The following LAYN variants were observed in gnomAD, a reference collection of about 807,000 sequenced individuals.
LAYN encodes the protein layilin.
In LAYN, 38 loss-of-function variants were observed where a neutral mutation model predicts 43.6. The ratio of observed to expected loss-of-function variants is 0.87; its 90% CI spans 0.67 to 1.14. The LOEUF is 1.14. Among genes scored for constraint, LAYN ranks in the 50% most tolerant of loss-of-function variants. The pLI is 0.00. For synonymous variants in LAYN, 168 were observed against 172.9 expected (o/e 0.97, Z 0.22); for missense variants, 479 against 463.8 (o/e 1.03, Z -0.30).
At chr11:111,549,335 G>T (rs961499957) in intron 2 of LAYN, among the ~76,000 whole-genome samples, 1 of 152,214 alleles carries the variant, frequency 6.6e-6, no homozygotes, top group Non-Finnish European at 1.5e-5. Flanking sequence ...GACTAGCCCT[G>T]CTGGCTGCTT....
At chr11:111,544,947 T>C (rs1374016452) in intron 2 of LAYN, among the ~76,000 whole-genome samples, 1 of 151,922 alleles carries the variant, frequency 6.6e-6, no homozygotes, top group Non-Finnish European at 1.5e-5. Flanking sequence ...ATAAAAAATC[T>C]AATGGTAAAC....
chr11:111,556,092 G>A (rs1304162331), intron 5 of LAYN, among the ~76,000 whole-genome samples: 1 of 152,166 alleles, frequency 6.6e-6, no homozygotes, highest in Admixed American at 6.5e-5. Flanking sequence ...ACAAATCCAG[G>A]AGTGCCCATG....
intron 4 of LAYN, among the ~76,000 whole-genome samples, chr11:111,554,929 C>G (rs1157177991): frequency 1.3e-5 from 2 of 152,122 alleles, no homozygotes; most frequent in African/African-American, 4.8e-5. Context: ...AGTCCTTGGC[C>G]CTTCCCCTTG....
chr11:111,549,520 A>G, intron 2 of LAYN, 98 bp from the exon 3 acceptor site: 1 of 1,039,536 alleles, frequency 9.6e-7, no homozygotes, highest in Non-Finnish European at 1.3e-6. Flanking sequence ...GCAGAATCTT[A>G]TGTTTATGGC....
intron 3 of LAYN, among the ~76,000 whole-genome samples, chr11:111,550,796 ACTTTTGTTAATTATATT>A (rs1480270636): frequency 2.6e-5 from 4 of 152,148 alleles, no homozygotes; most frequent in Admixed American, 6.6e-5. Context: ...GCTTTCCATC[ACTTTTGTTAATTATATT>A]CTATTATTAA....
chr11:111,553,715 T>TAC (rs60878342), intron 3 of LAYN, among the ~76,000 whole-genome samples: 17,228 of 140,294 alleles, frequency 0.12, 1,131 homozygotes, highest in Middle Eastern at 0.18. Flanking sequence ...ACATCACCTA[T>TAC]ACACACACAC....
chr11:111,545,525 A>G (rs1435466965), intron 2 of LAYN, among the ~76,000 whole-genome samples: 5 of 152,184 alleles, frequency 3.3e-5, no homozygotes, highest in African/African-American at 7.2e-5. Context: ...CAGCAGGCCT[A>G]TCTCCTCCCG....
chr11:111,544,957 C>A (rs1360390549), intron 2 of LAYN, among the ~76,000 whole-genome samples: 2 of 151,356 alleles, frequency 1.3e-5, no homozygotes, highest in Non-Finnish European at 2.9e-5. Context: ...TAATGGTAAA[C>A]AATCATATGG....
chr11:111,540,996 C>CCT, intron 1 of LAYN, 68 bp downstream of exon 1: 1 of 1,441,194 alleles, frequency 6.9e-7, no homozygotes, highest in Non-Finnish European at 9.3e-7. Context: ...TGCTGCTGAC[C>CCT]CTCTTCTGGG....
intron 2 of LAYN, among the ~76,000 whole-genome samples, chr11:111,545,935 G>C (rs770573142): frequency 2.6e-5 from 4 of 152,314 alleles, no homozygotes; most frequent in Non-Finnish European, 5.9e-5. Flanking sequence ...TTGGTGCTGT[G>C]TCAAAGACTT....
chr11:111,540,973 A>T (rs1387435783), intron 1 of LAYN, 45 bp downstream of exon 1: 3 of 1,496,486 alleles, frequency 2.0e-6, no homozygotes, highest in South Asian at 2.5e-5. Flanking sequence ...GGGTGGGCTC[A>T]CTGCACCCCA....
Position 111,560,595 on chromosome 11 carries a change from C to T in LAYN, c.*137C>T, listed in dbSNP as rs1867939087. The T allele has an allele frequency of 1.0e-6, 1 of 974,046 alleles. No individual in the cohort carries two copies. The highest frequency in any genetic ancestry group is 1.5e-6 in the Non-Finnish European group (1 of 671,962). 60.3% of individuals were successfully genotyped at this position (974,046 alleles called of 1,614,324 possible). On this transcript the variant is annotated 3_prime_UTR_variant, in exon 7 of 7. Transcript: ENST00000375614. ...CCTGTGGATGAGCATGTGGTCCCCA[C>T]GACCTCCTGTTGGACCCCCACGTTT...
chr11:111,541,293 C>T (rs955284076), intron 1 of LAYN: 3 of 602,122 alleles, frequency 5.0e-6, no homozygotes, highest in Non-Finnish European at 8.8e-6. Context: ...TGGGACCACC[C>T]CCGCGGGGCA....
intron 1 of LAYN, 119 bp downstream of exon 1, chr11:111,541,047 C>T: frequency 1.1e-6 from 1 of 891,506 alleles, no homozygotes; most frequent in African/African-American, 1.7e-5. Flanking sequence ...ATGCCCCACT[C>T]CCAGACGCAG....
At chr11:111,543,333 A>G (rs557272095) in intron 1 of LAYN, among the ~76,000 whole-genome samples, 2 of 152,252 alleles carry the variant, frequency 1.3e-5, no homozygotes, top group Admixed American at 1.3e-4. Flanking sequence ...TATGGCACAT[A>G]GTAGGAGTTC....
chr11:111,553,689 TTAAA>T (rs1184648402), intron 3 of LAYN, among the ~76,000 whole-genome samples: 7 of 148,184 alleles, frequency 4.7e-5, no homozygotes, highest in Admixed American at 1.4e-4. Context: ...CTGGGTTTTT[TTAAA>T]TAAATGGATT....
chr11:111,544,170 A>G lies in LAYN; in HGVS notation c.333A>G (p.Thr111=), dbSNP rs140773776. 4 of 1,614,110 alleles carry G rather than the reference A, an allele frequency of 2.5e-6. No individual in the cohort carries two copies. In the African/African-American group the frequency reaches 4.0e-5, roughly 16 times the overall value. Residue 111 remains threonine, a synonymous_variant, in exon 2 of 7, where the codon ACA becomes ACG. Coordinates refer to ENST00000375614, the MANE Select transcript of LAYN (RefSeq NM_178834.5). ...RRREEKQSNS[T]ACQDLYAWTD... ...GTGAGGAGAAACAAAGCAATAGCAC[A>G]GCCTGCCAGGACCTTTATGCTTGGA... is the stretch of plus-strand genomic sequence containing the variant.
At chr11:111,541,074 G>C in intron 1 of LAYN, 146 bp downstream of exon 1, 1 of 744,076 alleles carries the variant, frequency 1.3e-6, no homozygotes, top group Non-Finnish European at 2.1e-6. Context: ...GGAGTCTCTT[G>C]CGTTCTGGGG....
chr11:111,555,423 T>G (rs981928654), intron 5 of LAYN, 133 bp downstream of exon 5: 1 of 638,666 alleles, frequency 1.6e-6, no homozygotes. Context: ...ATGTGTGGCT[T>G]TGCAAAAGCT....
Sources: gnomAD v4.1 joint callset for allele counts (sites outside exome capture counted in the v4.1 genomes callset) on GRCh38, gnomAD v4.1.1 for gene constraint, MANE v1.5 for transcripts, NCBI Gene and HGNC (gene_info 2026-07-23, HGNC 2026-07-21) for gene names.